Variants in PTPRK observed in about 807,000 individuals in gnomAD.
PTPRK encodes the protein receptor-type tyrosine-protein phosphatase kappa.
In PTPRK, 75 loss-of-function variants were observed where a neutral mutation model predicts 178.0. That is an observed-to-expected ratio of 0.42 (90% CI 0.35 to 0.51). PTPRK has a LOEUF of 0.51. PTPRK is among the 20% of genes least tolerant of loss of function. The pLI is 0.02. For synonymous variants in PTPRK, 637 were observed against 620.6 expected (o/e 1.03, Z -0.39); for missense variants, 1,441 against 1,797.8 (o/e 0.80, Z 3.59).
chr6:128,241,760 G>A lies in PTPRK; in HGVS notation c.577+761C>T, dbSNP rs1814493285. On this transcript the variant is annotated intron_variant, in intron 4 of 29. Coordinates refer to ENST00000368226, the MANE Select transcript of PTPRK (RefSeq NM_002844.4). ...ACAAAACTGTGTATTAATAAACCGA[G>A]TTTCTTGTTTTGTTTGCTTTCTTTT... Among the ~76,000 whole-genome samples, 3 of 150,414 alleles carry A rather than the reference G, an allele frequency of 2.0e-5. No homozygotes were observed. In the South Asian group the frequency reaches 6.3e-4, roughly 32 times the overall value.
chr6:128,496,333 C>T (rs549196453), intron 1 of PTPRK, among the ~76,000 whole-genome samples: 1 of 152,276 alleles, frequency 6.6e-6, no homozygotes, highest in East Asian at 1.9e-4. Flanking sequence ...AGTCCTAAAA[C>T]CCAGTCCAGT....
intron 1 of PTPRK, among the ~76,000 whole-genome samples, chr6:128,469,888 A>G (rs1473021001): frequency 6.6e-6 from 1 of 152,184 alleles, no homozygotes; most frequent in African/African-American, 2.4e-5. Flanking sequence ...GGTGACTTCT[A>G]GAAACTAGAA....
chr6:128,064,664 T>C (rs1781442308), intron 13 of PTPRK, 94 bp downstream of exon 13: 2 of 1,464,826 alleles, frequency 1.4e-6, no homozygotes, highest in African/African-American at 1.4e-5. Context: ...ATAACAGAAA[T>C]GTCATATTTA....
intron 3 of PTPRK, among the ~76,000 whole-genome samples, chr6:128,277,652 TG>T (rs1820939825): frequency 6.6e-6 from 1 of 152,108 alleles, no homozygotes; most frequent in Non-Finnish European, 1.5e-5. Context: ...AAGTGAAGGT[TG>T]GGGAAAGGAC....
rs1785275818 is a variant in PTPRK, at chr6:128,083,913, AATAAAT to A, written c.1466-95_1466-90del. ...GATAAGCTAGATAAACAGGATTAAA[AATAAAT>A]ATAAAGAAAAATAAATAAAAATGTG... On this transcript the variant is annotated intron_variant, in intron 8 of 29. Coordinates refer to ENST00000368226, the MANE Select transcript of PTPRK (RefSeq NM_002844.4). The A allele has an allele frequency of 1.3e-5, 7 of 549,190 alleles. No homozygotes were observed. The South Asian group carries it at 3.3e-4, about 26-fold the overall frequency. 34.0% of individuals were successfully genotyped at this position (549,190 alleles called of 1,614,324 possible).
At chr6:128,193,074 T>G (rs1014090410) in intron 6 of PTPRK, among the ~76,000 whole-genome samples, 1 of 152,132 alleles carries the variant, frequency 6.6e-6, no homozygotes, top group Non-Finnish European at 1.5e-5. Context: ...TTATTTAATT[T>G]TCAGGTGTTA....
chr6:128,319,433 A>G (rs531494871), intron 3 of PTPRK, among the ~76,000 whole-genome samples: 1 of 152,286 alleles, frequency 6.6e-6, no homozygotes, highest in Non-Finnish European at 1.5e-5. Flanking sequence ...TTGCCTGTGT[A>G]TCCCCAGGAG....
chr6:127,984,121 AAAT>A (rs1775673980), intron 22 of PTPRK, among the ~76,000 whole-genome samples: 1 of 152,214 alleles, frequency 6.6e-6, no homozygotes, highest in Non-Finnish European at 1.5e-5. Flanking sequence ...TTTAATTGGC[AAAT>A]AATAATGTAT....
At chr6:128,153,076 A>G (rs530866210) in intron 7 of PTPRK, among the ~76,000 whole-genome samples, 1 of 152,124 alleles carries the variant, frequency 6.6e-6, no homozygotes, top group East Asian at 1.9e-4. Context: ...ATCCAGAACC[A>G]AGGATACTTT....
intron 13 of PTPRK, among the ~76,000 whole-genome samples, chr6:128,034,141 CATT>C (rs1775812458): frequency 1.3e-5 from 2 of 152,096 alleles, no homozygotes; most frequent in African/African-American, 4.8e-5. Context: ...ACATTATTAT[CATT>C]ATTATGTTTT....
chr6:127,993,148 T>C (rs1024064786), intron 18 of PTPRK, among the ~76,000 whole-genome samples: 3 of 151,682 alleles, frequency 2.0e-5, no homozygotes, highest in African/African-American at 7.2e-5. Context: ...AACATTCCAA[T>C]GTTAGAGCTG....
intron 1 of PTPRK, among the ~76,000 whole-genome samples, chr6:128,512,609 T>A (rs1471796417): frequency 1.3e-5 from 2 of 152,134 alleles, no homozygotes; most frequent in African/African-American, 4.8e-5. Flanking sequence ...GGCAATTAGG[T>A]CTTCTGGGAA....
chr6:128,493,560 CAA>C (rs1339085007), intron 1 of PTPRK, among the ~76,000 whole-genome samples: 2 of 106,668 alleles, frequency 1.9e-5, no homozygotes, highest in Non-Finnish European at 1.9e-5. Flanking sequence ...GACTCCGTCT[CAA>C]AAAAAAAAAA....
At chr6:127,974,928 G>T (rs1400406063) in intron 27 of PTPRK, among the ~76,000 whole-genome samples, 5 of 152,100 alleles carry the variant, frequency 3.3e-5, no homozygotes, top group Non-Finnish European at 5.9e-5. Flanking sequence ...ATATCAGGAA[G>T]AATATGTAAT....
chr6:128,130,642 G>A lies in PTPRK; in HGVS notation c.1163-40650C>T, dbSNP rs149620670. Among the ~76,000 whole-genome samples, 298 of 152,256 alleles carry A rather than the reference G, an allele frequency of 2.0e-3. 2 individuals carry two copies. The highest frequency in any genetic ancestry group is 6.8e-3 in the South Asian group (33 of 4,826). On this transcript the variant is annotated intron_variant, in intron 7 of 29. Coordinates refer to ENST00000368226, the MANE Select transcript of PTPRK (RefSeq NM_002844.4). ...ACTAATCCTGATCACCGTAAGACTTGTGAGCCTTGAAAATGTTTTATTGTA... is the reference window on the plus strand; with the variant it reads ...ACTAATCCTGATCACCGTAAGACTTATGAGCCTTGAAAATGTTTTATTGTA...
At chr6:128,492,360 T>A (rs936499135) in intron 1 of PTPRK, among the ~76,000 whole-genome samples, 18 of 152,170 alleles carry the variant, frequency 1.2e-4, no homozygotes, top group African/African-American at 3.9e-4. Context: ...TCTAACACTA[T>A]TATGGGATAT....
At chr6:128,397,776 A>T (rs1198884779) in intron 1 of PTPRK, 88 bp from the exon 2 acceptor site, 42 of 1,267,166 alleles carry the variant, frequency 3.3e-5, no homozygotes, top group Non-Finnish European at 4.3e-5. Flanking sequence ...ATATTGATAT[A>T]TATAATGTTA....
intron 14 of PTPRK, among the ~76,000 whole-genome samples, chr6:128,006,466 A>C (rs1778424843): frequency 6.6e-6 from 1 of 150,984 alleles, no homozygotes; most frequent in African/African-American, 2.4e-5. Flanking sequence ...TACAAAACAT[A>C]AAGATCTATT....
chr6:128,471,131 T>C (rs1483441895), intron 1 of PTPRK, among the ~76,000 whole-genome samples: 2 of 152,010 alleles, frequency 1.3e-5, no homozygotes, highest in Non-Finnish European at 2.9e-5. Context: ...TTAAATGAAT[T>C]TAATATTCCT....
Sources: allele counts gnomAD v4.1 joint callset (sites outside exome capture counted in the v4.1 genomes callset), GRCh38; gene constraint gnomAD v4.1.1; transcripts MANE v1.5; gene names NCBI Gene and HGNC (gene_info 2026-07-23, HGNC 2026-07-21).